The following FANCC variants were observed in gnomAD, a reference collection of about 807,000 sequenced individuals.
The protein encoded by FANCC is FA complementation group C, also known as Fanconi anemia group C protein.
FANCC carries 55 observed loss-of-function variants against 71.3 expected under a neutral mutation model. The ratio of observed to expected loss-of-function variants is 0.77; its 90% CI spans 0.62 to 0.97. The LOEUF (loss-of-function observed/expected upper bound fraction) is 0.97, where lower values mean the gene tolerates loss of function less well. Ranked by LOEUF, FANCC falls within the 50% of genes least tolerant of loss-of-function variation. The pLI is 0.00. For synonymous variants in FANCC, 275 were observed against 244.9 expected (o/e 1.12, Z -1.15); for missense variants, 678 against 670.9 (o/e 1.01, Z -0.12).
chr9:95,295,851 C>T (rs1319037332), intron 1 of FANCC, among the ~76,000 whole-genome samples: 2 of 151,056 alleles, frequency 1.3e-5, no homozygotes, highest in Non-Finnish European at 2.9e-5. Context: ...GTTAAAGGTA[C>T]AAAGTTTCAG....
chr9:95,311,709 CTGTGTGTGTGTGTG>C (rs56187288), intron 1 of FANCC, among the ~76,000 whole-genome samples: 3 of 144,592 alleles, frequency 2.1e-5, no homozygotes, highest in African/African-American at 5.1e-5. Flanking sequence ...TCCTCTGAAT[CTGTGTGTGTGTGTG>C]TGTGTGTGTG....
Position 95,117,377 on chromosome 9 carries a change from A to G in FANCC, c.1010T>C (p.Leu337Pro). Reference sequence around the variant, plus strand: ...AGAAGTGTAAGGAAAGTAGGTCTTGAGTGCAAACCGCAGCTGCCACAGGAT... The same window carrying G: ...AGAAGTGTAAGGAAAGTAGGTCTTGGGTGCAAACCGCAGCTGCCACAGGAT... ...EKASKQLRFA[L>P]KTYFPYTSPS... is the part of the protein sequence containing the mutation. Residue 337 changes from leucine (L) to proline (P), a missense_variant, in exon 11 of 15, where the codon CTC becomes CCC. By Grantham distance (98) the Leu-to-Pro change is moderately conservative. Coordinates refer to ENST00000289081, the MANE Select transcript of FANCC (RefSeq NM_000136.3). The G allele has an allele frequency of 6.2e-7, 1 of 1,613,948 alleles. No individual in the cohort carries two copies. Among genetic ancestry groups the G allele is most frequent in the Non-Finnish European group, 8.5e-7 (1 of 1,179,976 alleles).
At position 95,183,953 on chromosome 9, in the gene FANCC, G is replaced by T. The variant is rs570682913; in HGVS notation, c.346-11806C>A. Among the ~76,000 whole-genome samples, 3 of 152,266 alleles carry T rather than the reference G, an allele frequency of 2.0e-5. No individual in the cohort carries two copies. The South Asian group carries it at 6.2e-4, about 32-fold the overall frequency. On this transcript the variant is annotated intron_variant, in intron 4 of 14. Transcript: ENST00000289081. ...TCAATTATTTTTGGCCCACCAAAAT[G>T]TATTTCTCAGGTATAAATCAGTGTG... is the stretch of plus-strand genomic sequence containing the variant.
chr9:95,313,777 T>G (rs1835561800), intron 1 of FANCC, among the ~76,000 whole-genome samples: 1 of 152,220 alleles, frequency 6.6e-6, no homozygotes, highest in Non-Finnish European at 1.5e-5. Context: ...TAAATGGGAT[T>G]TAGAATGCAA....
chr9:95,214,174 C>T (rs939519511), intron 4 of FANCC, among the ~76,000 whole-genome samples: 1 of 152,126 alleles, frequency 6.6e-6, no homozygotes, highest in Admixed American at 6.5e-5. Flanking sequence ...ACACTGGTAA[C>T]CCCAGCACTG....
chr9:95,141,510 T>C (rs1244539760), intron 7 of FANCC, among the ~76,000 whole-genome samples: 1 of 152,112 alleles, frequency 6.6e-6, no homozygotes, highest in East Asian at 1.9e-4. Context: ...TGGATTTTCC[T>C]TATCTAAGTT....
rs1263559065 is a variant in FANCC at position 95,107,221 on chromosome 9, T to C, written c.1378A>G (p.Ser460Gly). The part of the protein sequence containing the change: ...LGHLLAMSRS[S>G]SLSAQDLQTV... The stretch of plus-strand genomic sequence containing the variant: ...TGCAGGTCCTGGGCTGAGAGGCTGC[T>C]GCTTCTGGACATTGCCAGGAGGTGG... Residue 460 changes from serine (S) to glycine (G), a missense_variant, in exon 14 of 15, where the codon AGC (serine) becomes GGC (glycine). Physicochemically the swap from Ser to Gly is moderately conservative, Grantham distance 56. Coordinates refer to ENST00000289081, the MANE Select transcript of FANCC (RefSeq NM_000136.3). The C allele has an allele frequency of 6.2e-7, 1 of 1,614,068 alleles. No homozygotes were observed. Among genetic ancestry groups the C allele is most frequent in the Non-Finnish European group, 8.5e-7 (1 of 1,180,042 alleles).
chr9:95,194,599 A>G (rs1032158244), intron 4 of FANCC, among the ~76,000 whole-genome samples: 3 of 152,142 alleles, frequency 2.0e-5, no homozygotes, highest in African/African-American at 7.2e-5. Flanking sequence ...CCAATGGCTA[A>G]TGATGTGAAA....
intron 7 of FANCC, among the ~76,000 whole-genome samples, chr9:95,139,217 T>G (rs1431147226): frequency 6.6e-6 from 1 of 152,016 alleles, no homozygotes; most frequent in Non-Finnish European, 1.5e-5. Context: ...TAATTAACAG[T>G]AAAGGAAGGG....
At chr9:95,148,864 GC>G (rs1464810140) in intron 7 of FANCC, among the ~76,000 whole-genome samples, 1 of 152,178 alleles carries the variant, frequency 6.6e-6, no homozygotes, top group East Asian at 1.9e-4. Flanking sequence ...ATTTTGGTGA[GC>G]TATCAAAGCA....
At chr9:95,246,517 C>T (rs897539746) in intron 3 of FANCC, among the ~76,000 whole-genome samples, 4 of 152,302 alleles carry the variant, frequency 2.6e-5, no homozygotes, top group African/African-American at 9.6e-5. Context: ...GTAAATATTA[C>T]ATTAGCTAAT....
chr9:95,259,081 G>C (rs969622189), intron 1 of FANCC, among the ~76,000 whole-genome samples: 9 of 152,180 alleles, frequency 5.9e-5, no homozygotes, highest in African/African-American at 2.2e-4. Flanking sequence ...CTCACGGATA[G>C]GAAGAATAGA....
At chr9:95,307,447 T>C (rs4744453) in intron 1 of FANCC, among the ~76,000 whole-genome samples, 34,363 of 152,216 alleles carry the variant, frequency 0.23, 5,038 homozygotes, top group Non-Finnish European at 0.33. Flanking sequence ...AGAATAATAA[T>C]AACCTTTTCT....
At chr9:95,262,257 A>G (rs1832098952) in intron 1 of FANCC, among the ~76,000 whole-genome samples, 1 of 152,132 alleles carries the variant, frequency 6.6e-6, no homozygotes, top group African/African-American at 2.4e-5. Flanking sequence ...AACTTCATGG[A>G]AAATGTACCT....
At chr9:95,219,028 T>G (rs1829057357) in intron 4 of FANCC, among the ~76,000 whole-genome samples, 1 of 152,184 alleles carries the variant, frequency 6.6e-6, no homozygotes, top group African/African-American at 2.4e-5. Context: ...TTCCTAGTTT[T>G]CTCCCTCATT....
At chr9:95,199,387 C>T (rs1827666779) in intron 4 of FANCC, among the ~76,000 whole-genome samples, 1 of 152,096 alleles carries the variant, frequency 6.6e-6, no homozygotes, top group Admixed American at 6.5e-5. Flanking sequence ...ACTCACCATG[C>T]CTCCTCCCAG....
At chr9:95,106,357 A>C (rs1166136771) in intron 14 of FANCC, among the ~76,000 whole-genome samples, 1 of 152,190 alleles carries the variant, frequency 6.6e-6, no homozygotes, top group Admixed American at 6.5e-5. Context: ...TGTATTCTGA[A>C]TACTAAACTC....
At chr9:95,285,017 C>T (rs969452667) in intron 1 of FANCC, among the ~76,000 whole-genome samples, 2 of 146,790 alleles carry the variant, frequency 1.4e-5, no homozygotes, top group African/African-American at 5.0e-5. Context: ...AATGGTTCTT[C>T]TAAATACTGA....
At chr9:95,309,843 A>C (rs1213481495) in intron 1 of FANCC, among the ~76,000 whole-genome samples, 1 of 152,162 alleles carries the variant, frequency 6.6e-6, no homozygotes. Flanking sequence ...AGGTGCTCAG[A>C]CATCTCAACA....
Sources: gnomAD v4.1 joint callset for allele counts (sites outside exome capture counted in the v4.1 genomes callset) on GRCh38, gnomAD v4.1.1 for gene constraint, MANE v1.5 for transcripts, NCBI Gene and HGNC (gene_info 2026-07-23, HGNC 2026-07-21) for gene names.